Variants in PTPRD observed in about 807,000 individuals in gnomAD.
PTPRD encodes receptor-type tyrosine-protein phosphatase delta.
Under a neutral mutation model 214.5 loss-of-function variants are expected in PTPRD, and 34 were observed. The observed-to-expected ratio is 0.16, with a 90% CI of 0.12 to 0.21. The LOEUF (loss-of-function observed/expected upper bound fraction) is 0.21. PTPRD is among the 10% of genes least tolerant of loss of function. PTPRD has a pLI of 1.00. For synonymous variants in PTPRD, 1,128 were observed against 845.7 expected, an observed-to-expected ratio of 1.33 and a Z score of -5.79; for missense variants, 2,545 against 2,398.7, an observed-to-expected ratio of 1.06 and a Z score of -1.27.
chr9:9,978,236 T>G (rs2095425681), intron 4 of PTPRD, among the ~76,000 whole-genome samples: 1 of 152,146 alleles, frequency 6.6e-6, no homozygotes, highest in Admixed American at 6.5e-5. Context: ...ATAGATCACC[T>G]GAGTGTTAGA....
At chr9:10,506,370 C>A (rs1461125631) in intron 2 of PTPRD, among the ~76,000 whole-genome samples, 5 of 151,990 alleles carry the variant, frequency 3.3e-5, no homozygotes, top group Admixed American at 1.3e-4. Context: ...ATACTATTAG[C>A]CAAAGTAGAG....
chr9:10,596,258 A>T (rs1224076185), intron 2 of PTPRD, among the ~76,000 whole-genome samples: 1 of 151,752 alleles, frequency 6.6e-6, no homozygotes, highest in Non-Finnish European at 1.5e-5. Context: ...TTCTTTAATA[A>T]GACAGAACTT....
chr9:8,905,508 GC>G (rs1242199352), intron 11 of PTPRD, among the ~76,000 whole-genome samples: 2 of 151,986 alleles, frequency 1.3e-5, no homozygotes, highest in Non-Finnish European at 2.9e-5. Flanking sequence ...GGAGGTTGAG[GC>G]GGGCGGATTA....
chr9:9,100,893 AT>A (rs2099790312), intron 10 of PTPRD, among the ~76,000 whole-genome samples: 1 of 152,152 alleles, frequency 6.6e-6, no homozygotes. Context: ...TGTGTGTATA[AT>A]CATAAACAGA....
chr9:8,780,995 T>G (rs1327726217), intron 11 of PTPRD, among the ~76,000 whole-genome samples: 1 of 152,210 alleles, frequency 6.6e-6, no homozygotes, highest in African/African-American at 2.4e-5. Context: ...AGGGGAGCTA[T>G]TACACTCTGA....
At chr9:10,295,217 A>T (rs191228900) in intron 3 of PTPRD, among the ~76,000 whole-genome samples, 1 of 152,088 alleles carries the variant, frequency 6.6e-6, no homozygotes, top group Non-Finnish European at 1.5e-5. Flanking sequence ...AAAAACAAAG[A>T]CCATCAAACA....
rs574042888 is a variant in PTPRD, at chr9:9,713,381, G to C, written c.-287+21152C>G. 3.7e-4 allele frequency among the ~76,000 whole-genome samples: 57 copies of C among 152,256 alleles called. 1 individual carries two copies. The South Asian group carries it at 0.012, about 31-fold the overall frequency. ...ATCAAAAATGTCACTCGTCCTCTTA[G>C]ATATCTAGACTCTATGCTATGCATT... On this transcript the variant is annotated intron_variant, in intron 7 of 45. Transcript: ENST00000381196.
chr9:9,363,511 AT>A (rs1198421092), intron 9 of PTPRD, among the ~76,000 whole-genome samples: 1 of 151,440 alleles, frequency 6.6e-6, no homozygotes, highest in African/African-American at 2.4e-5. Flanking sequence ...TATGTCGATC[AT>A]AAATTGCTAG....
At chr9:8,884,415 A>G (rs1056377863) in intron 11 of PTPRD, among the ~76,000 whole-genome samples, 1 of 152,248 alleles carries the variant, frequency 6.6e-6, no homozygotes, top group Non-Finnish European at 1.5e-5. Context: ...GAAAATGAGT[A>G]ACCCAGAAGG....
At chr9:8,523,636 G>C in intron 18 of PTPRD, 112 bp from the exon 19 acceptor site, 1 of 1,139,548 alleles carries the variant, frequency 8.8e-7, no homozygotes, top group Non-Finnish European at 1.3e-6. Flanking sequence ...ACTGCTACTT[G>C]AACATCTTTA....
intron 9 of PTPRD, among the ~76,000 whole-genome samples, chr9:9,189,996 G>C (rs917783410): frequency 3.9e-5 from 6 of 151,994 alleles, no homozygotes; most frequent in South Asian, 2.1e-4. Flanking sequence ...CCTCGCTCCT[G>C]GCACAGTGAT....
intron 9 of PTPRD, among the ~76,000 whole-genome samples, chr9:9,332,224 G>A (rs181515872): frequency 6.7e-6 from 1 of 150,342 alleles, no homozygotes; most frequent in East Asian, 1.9e-4. Context: ...GATGGTGAAA[G>A]CCAATTTAGC....
chr9:9,082,099 TA>T (rs35329305), intron 10 of PTPRD, among the ~76,000 whole-genome samples: 12,562 of 152,014 alleles, frequency 0.083, 758 homozygotes, highest in African/African-American at 0.17. Context: ...GACTCCTCCC[TA>T]ACTCATTTTA....
At chr9:8,482,704 A>G (rs1278571471) in intron 30 of PTPRD, among the ~76,000 whole-genome samples, 1 of 152,196 alleles carries the variant, frequency 6.6e-6, no homozygotes, top group Non-Finnish European at 1.5e-5. Context: ...TCTAGAGGAT[A>G]TAGTTTTCAC....
At chr9:10,550,518 T>G (rs2061086855) in intron 2 of PTPRD, among the ~76,000 whole-genome samples, 1 of 152,144 alleles carries the variant, frequency 6.6e-6, no homozygotes, top group Non-Finnish European at 1.5e-5. Context: ...TCAATCTTTT[T>G]GGAGACCCTC....
intron 7 of PTPRD, among the ~76,000 whole-genome samples, chr9:9,594,720 T>A (rs1171736394): frequency 6.6e-6 from 1 of 152,114 alleles, no homozygotes; most frequent in Admixed American, 6.6e-5. Flanking sequence ...CTAGATTTAT[T>A]CTTTTTGCTT....
At chr9:9,886,767 A>G (rs2071089316) in intron 5 of PTPRD, among the ~76,000 whole-genome samples, 1 of 152,164 alleles carries the variant, frequency 6.6e-6, no homozygotes, top group South Asian at 2.1e-4. Context: ...AACACTTGCC[A>G]GTACACTAAG....
At chr9:10,003,265 A>G (rs550756638) in intron 4 of PTPRD, among the ~76,000 whole-genome samples, 1 of 151,924 alleles carries the variant, frequency 6.6e-6, no homozygotes, top group South Asian at 2.1e-4. Context: ...ATGATGAGGA[A>G]TGAGGAAGTG....
At chr9:8,620,476 T>C (rs2095786175) in intron 14 of PTPRD, among the ~76,000 whole-genome samples, 2 of 152,000 alleles carry the variant, frequency 1.3e-5, no homozygotes, top group South Asian at 2.1e-4. Context: ...ATTTATAGTG[T>C]CTAATGTCTT....
Sources: gnomAD v4.1 joint callset for allele counts (sites outside exome capture counted in the v4.1 genomes callset) on GRCh38, gnomAD v4.1.1 for gene constraint, MANE v1.5 for transcripts, NCBI Gene and HGNC (gene_info 2026-07-23, HGNC 2026-07-21) for gene names.